DCLK2: variants seen among roughly 807,000 people sequenced by gnomAD.
DCLK2 encodes serine/threonine-protein kinase DCLK2.
DCLK2 carries 31 observed loss-of-function variants against 78.4 expected under a neutral mutation model. The observed-to-expected ratio is 0.40, with a 90% CI of 0.30 to 0.53. The LOEUF (loss-of-function observed/expected upper bound fraction) is 0.53. Ranked by LOEUF, DCLK2 falls within the 20% of genes least tolerant of loss-of-function variation. The pLI is 0.61. For synonymous variants in DCLK2, 407 were observed against 374.9 expected, an observed-to-expected ratio of 1.09 and a Z score of -0.99; for missense variants, 872 against 973.7, an observed-to-expected ratio of 0.90 and a Z score of 1.39.
intron 5 of DCLK2, among the ~76,000 whole-genome samples, chr4:150,205,009 A>G (rs998219105): frequency 3.3e-5 from 5 of 152,174 alleles, no homozygotes; most frequent in African/African-American, 7.2e-5. Context: ...ATTAACTTTA[A>G]TTCCCTTTAT....
chr4:150,175,071 TA>T lies in DCLK2; in HGVS notation c.757-18066del, dbSNP rs1580650925. Among the ~76,000 whole-genome samples the T allele has an allele frequency of 1.6e-3, 14 of 8,814 alleles. 2 individuals carry two copies. The East Asian group carries it at 0.035, about 22-fold the overall frequency. 5.8% of individuals were successfully genotyped at this position (8,814 alleles called of 152,430 possible). The stretch of plus-strand genomic sequence containing the variant: ...ATATATTTATATATATATTTATATA[TA>T]TTTATATATTTATATATATATTTAT... On this transcript the variant is annotated intron_variant, in intron 2 of 15. Transcript: ENST00000296550.
intron 2 of DCLK2, among the ~76,000 whole-genome samples, chr4:150,185,853 G>A (rs1737889849): frequency 1.3e-5 from 2 of 152,114 alleles, no homozygotes; most frequent in Non-Finnish European, 2.9e-5. Flanking sequence ...AATTATGGCT[G>A]GCACCTATTC....
At chr4:150,224,424 G>T in intron 7 of DCLK2, 77 bp from the exon 8 acceptor site, 17 of 1,324,168 alleles carry the variant, frequency 1.3e-5, no homozygotes, top group Non-Finnish European at 1.7e-5. Context: ...AAAAATTAAA[G>T]TATAAAAAAG....
At chr4:150,170,162 T>G (rs1016147997) in intron 2 of DCLK2, among the ~76,000 whole-genome samples, 2 of 152,170 alleles carry the variant, frequency 1.3e-5, no homozygotes, top group Admixed American at 1.3e-4. Flanking sequence ...CAAGCGAGTC[T>G]CCTGCCTCAG....
At chr4:150,195,052 C>CT (rs1738759056) in intron 3 of DCLK2, among the ~76,000 whole-genome samples, 1 of 143,946 alleles carries the variant, frequency 6.9e-6, no homozygotes, top group Non-Finnish European at 1.5e-5. Flanking sequence ...CTGGAAAGTC[C>CT]TTAATTATAG....
At chr4:150,225,986 T>G (rs994906683) in intron 8 of DCLK2, among the ~76,000 whole-genome samples, 3 of 152,190 alleles carry the variant, frequency 2.0e-5, no homozygotes, top group Non-Finnish European at 2.9e-5. Context: ...TAATAAGAAT[T>G]CAACACATGT....
Position 150,203,810 on chromosome 4 carries a change from G to A in DCLK2, c.977G>A (p.Ser326Asn), listed in dbSNP as rs778400715. The change falls in exon 5 of 16, where the codon AGC becomes AAC. Residue 326 changes from serine (S) to asparagine (N), a missense_variant. Physicochemically the swap from Ser to Asn is conservative, Grantham distance 46. Transcript: ENST00000296550. The part of the protein sequence containing the change: ...KSPASVNGTP[S>N]SQLSTPKSTK... ...TCATGGGCAGTTAATGGAACTCCCAGCAGCCAACTTTCTACTCCTAAATCT... is the reference window on the plus strand; with the variant it reads ...TCATGGGCAGTTAATGGAACTCCCAACAGCCAACTTTCTACTCCTAAATCT... The A allele has an allele frequency of 2.5e-6, 4 of 1,613,748 alleles. No homozygotes were observed. The highest frequency in any genetic ancestry group is 2.2e-5 in the South Asian group (2 of 91,076).
At chr4:150,224,412 A>T in intron 7 of DCLK2, 89 bp from the exon 8 acceptor site, 3 of 1,309,422 alleles carry the variant, frequency 2.3e-6, no homozygotes, top group Non-Finnish European at 3.1e-6. Flanking sequence ...TACAAAAAAA[A>T]AAAAAATTAA....
intron 8 of DCLK2, among the ~76,000 whole-genome samples, chr4:150,230,733 T>C (rs1475670192): frequency 6.6e-6 from 1 of 152,238 alleles, no homozygotes; most frequent in Non-Finnish European, 1.5e-5. Context: ...AGGGGCTGGC[T>C]GTACAGCTGC....
At chr4:150,140,843 A>G (rs557487150) in intron 2 of DCLK2, among the ~76,000 whole-genome samples, 4 of 152,226 alleles carry the variant, frequency 2.6e-5, no homozygotes, top group African/African-American at 9.6e-5. Context: ...ATTATAACTA[A>G]CTGTATTTGT....
At chr4:150,137,106 C>T (rs756569859) in intron 2 of DCLK2, among the ~76,000 whole-genome samples, 5 of 150,976 alleles carry the variant, frequency 3.3e-5, no homozygotes, top group Non-Finnish European at 7.4e-5. Flanking sequence ...CTCAGCTTCC[C>T]AACTCATTGA....
At chr4:150,099,540 T>C (rs558007435) in intron 1 of DCLK2, among the ~76,000 whole-genome samples, 1 of 152,226 alleles carries the variant, frequency 6.6e-6, no homozygotes, top group Non-Finnish European at 1.5e-5. Context: ...TGATGGCTGT[T>C]GTCGTCAAGG....
intron 5 of DCLK2, among the ~76,000 whole-genome samples, chr4:150,212,378 C>T (rs923175807): frequency 4.6e-5 from 7 of 152,148 alleles, no homozygotes; most frequent in South Asian, 2.1e-4. Context: ...CACTTCTTTT[C>T]GAAGCTGTGA....
intron 10 of DCLK2, among the ~76,000 whole-genome samples, chr4:150,237,612 G>T (rs1051588142): frequency 1.3e-5 from 2 of 152,110 alleles, no homozygotes; most frequent in Non-Finnish European, 2.9e-5. Flanking sequence ...GTAAAACTTG[G>T]GGAATTACTG....
intron 1 of DCLK2, among the ~76,000 whole-genome samples, chr4:150,084,207 G>A (rs1473938653): frequency 6.6e-6 from 1 of 152,194 alleles, no homozygotes; most frequent in East Asian, 1.9e-4. Flanking sequence ...ACTCAACTGA[G>A]AGAAGCCTGA....
intron 1 of DCLK2, among the ~76,000 whole-genome samples, chr4:150,087,082 C>T (rs1357714380): frequency 6.6e-6 from 1 of 152,136 alleles, no homozygotes; most frequent in Non-Finnish European, 1.5e-5. Flanking sequence ...ATAATTCAAT[C>T]CTAATCCCCG....
intron 8 of DCLK2, among the ~76,000 whole-genome samples, chr4:150,228,201 A>G (rs1741762328): frequency 1.3e-5 from 2 of 152,202 alleles, no homozygotes; most frequent in Non-Finnish European, 2.9e-5. Flanking sequence ...AGAACCCTTC[A>G]TCACATCTGC....
chr4:150,221,778 A>G lies in DCLK2; in HGVS notation c.1234A>G (p.Ile412Val), dbSNP rs1741204780. 1 of 1,575,544 alleles carries G rather than the reference A, an allele frequency of 6.3e-7. No individual in the cohort carries two copies. Residue 412 changes from isoleucine (I) to valine (V), a missense_variant, in exon 7 of 16, where the codon ATA (isoleucine) becomes GTA (valine). Ile to Val is a conservative substitution (Grantham distance 29, BLOSUM62 3). Transcript: ENST00000296550. ...DGNFAVVKEC[I>V]DRSTGKEFAL... ...CAATTTTGCAGTAGTCAAAGAGTGTATAGACAGGTGAGTGGACAGTGAGGA... is the reference window on the plus strand; with the variant it reads ...CAATTTTGCAGTAGTCAAAGAGTGTGTAGACAGGTGAGTGGACAGTGAGGA...
chr4:150,151,568 T>C (rs1295416951), intron 2 of DCLK2, among the ~76,000 whole-genome samples: 1 of 152,184 alleles, frequency 6.6e-6, no homozygotes, highest in East Asian at 1.9e-4. Context: ...AAGGAAAATG[T>C]GTCTCTAGAT....
Sources: gnomAD v4.1 joint callset for allele counts (sites outside exome capture counted in the v4.1 genomes callset) on GRCh38, gnomAD v4.1.1 for gene constraint, MANE v1.5 for transcripts, NCBI Gene and HGNC (gene_info 2026-07-23, HGNC 2026-07-21) for gene names.